Variants in MYO3A observed in about 807,000 individuals in gnomAD.
MYO3A encodes myosin IIIA, also known as myosin-IIIa.
In MYO3A, 180 loss-of-function variants were observed where a neutral mutation model predicts 192.7. That is an observed-to-expected ratio of 0.93 (90% CI 0.83 to 1.06). The LOEUF (loss-of-function observed/expected upper bound fraction) is 1.06. MYO3A is among the 50% of genes least tolerant of loss of function. The pLI is 0.00. For missense variants in MYO3A, 1,896 were observed against 1,905.0 expected (o/e 1.00, Z 0.09); for synonymous variants, 628 against 645.3 (o/e 0.97, Z 0.41).
Position 25,952,280 on chromosome 10 carries a change from TAA to T in MYO3A, c.168+3_168+4del, listed in dbSNP as rs2130551945. ...GTCAAAATTCTTGATCCAATTCACG[TAA>T]GTCATATTTTTTCCTTCTAATTAGC... is the stretch of plus-strand genomic sequence containing the variant. On this transcript the variant is annotated splice_donor_region_variant and intron_variant, in intron 3 of 34. Transcript: ENST00000642920. The T allele has an allele frequency of 6.2e-7, 1 of 1,611,574 alleles. No homozygotes were observed. The highest frequency in any genetic ancestry group is 8.5e-7 in the Non-Finnish European group (1 of 1,178,508).
At position 26,168,855 on chromosome 10, in the gene MYO3A, CGCTAT is replaced by C; in HGVS notation, c.3256_3260del (p.Ala1086AsnfsTer20). ...AAATACAGGAGAAAAGGAAAGAAAG[CGCTAT>C]AATAATACAGTCAGGTAATCTCTTT... On this transcript the variant is annotated frameshift_variant, in exon 28 of 35. Coordinates refer to ENST00000642920, the MANE Select transcript of MYO3A (RefSeq NM_017433.5). LOFTEE classifies it high-confidence loss of function. The C allele has an allele frequency of 1.9e-6, 3 of 1,610,954 alleles. No homozygotes were observed. The highest frequency in any genetic ancestry group is 2.5e-6 in the Non-Finnish European group (3 of 1,178,892).
chr10:26,036,211 T>C (rs986492627), intron 10 of MYO3A, among the ~76,000 whole-genome samples: 2 of 152,146 alleles, frequency 1.3e-5, no homozygotes, highest in African/African-American at 4.8e-5. Context: ...AGTGCTAGGA[T>C]TACAGGCGTG....
rs554236847 is a variant in MYO3A at position 26,190,334 on chromosome 10, G to C, written c.4439-2871G>C. ...AAGGTGTTATCATTGTTTTCAACCT[G>C]GGAAGCAGAAATAATGCTGCCATTG... On this transcript the variant is annotated intron_variant, in intron 31 of 34. Transcript: ENST00000642920. Among the ~76,000 whole-genome samples, 3 of 152,312 alleles carry C rather than the reference G, an allele frequency of 2.0e-5. No individual in the cohort carries two copies. In the South Asian group the frequency reaches 6.2e-4, roughly 32 times the overall value.
intron 4 of MYO3A, among the ~76,000 whole-genome samples, chr10:25,977,148 G>T (rs2130772064): frequency 6.6e-6 from 1 of 152,220 alleles, no homozygotes; most frequent in South Asian, 2.1e-4. Flanking sequence ...ATATCTGGAG[G>T]TTCTTTAGGA....
At position 26,068,767 on chromosome 10, in the gene MYO3A, G is replaced by T; in HGVS notation, c.1054-1G>T. On this transcript the variant is annotated splice_acceptor_variant, in intron 11 of 34. Transcript: ENST00000642920. LOFTEE classifies it high-confidence loss of function. ...GGAGAAATTATTTTATTTTATTGCA[G>T]AATACAGTCTCAGAGCAACTTGAGA... The T allele has an allele frequency of 1.3e-6, 2 of 1,532,140 alleles. No individual in the cohort carries two copies. The highest frequency in any genetic ancestry group is 2.2e-5 in the South Asian group (2 of 89,398). The allele number at this position is 1,532,140 out of a possible 1,614,324, so 94.9% of individuals were successfully genotyped here. A position where few individuals can be genotyped will look rare whatever the true frequency, so the allele number is the denominator to read the frequency against.
chr10:26,159,031 G>A (rs928324567), intron 26 of MYO3A, among the ~76,000 whole-genome samples: 8 of 148,898 alleles, frequency 5.4e-5, no homozygotes, highest in South Asian at 2.1e-4. Flanking sequence ...TTTTTGAGAC[G>A]GAGTCTTGCA....
intron 26 of MYO3A, among the ~76,000 whole-genome samples, chr10:26,160,126 T>G (rs915199941): frequency 3.3e-5 from 5 of 152,150 alleles, no homozygotes; most frequent in African/African-American, 1.2e-4. Context: ...ATATTATGAG[T>G]GTAATATTAA....
chr10:26,014,175 C>T (rs1398321750), intron 6 of MYO3A, among the ~76,000 whole-genome samples: 1 of 152,036 alleles, frequency 6.6e-6, no homozygotes, highest in Non-Finnish European at 1.5e-5. Context: ...TTAGGTACAG[C>T]ATACGCCACT....
At chr10:26,008,550 C>A (rs867658902) in intron 6 of MYO3A, among the ~76,000 whole-genome samples, 37 of 149,872 alleles carry the variant, frequency 2.5e-4, no homozygotes, top group African/African-American at 6.8e-4. Context: ...AAACAACCCC[C>A]TCAAAAAGTG....
chr10:26,178,526 C>G (rs572030344), intron 31 of MYO3A, among the ~76,000 whole-genome samples: 15 of 149,586 alleles, frequency 1.0e-4, no homozygotes, highest in African/African-American at 3.0e-4. Context: ...GCACTCCAGC[C>G]TGGGTGACAG....
intron 10 of MYO3A, among the ~76,000 whole-genome samples, chr10:26,046,885 A>T (rs746527515): frequency 6.6e-6 from 1 of 152,198 alleles, no homozygotes; most frequent in Non-Finnish European, 1.5e-5. Context: ...ATTATTTTTC[A>T]TTAGTAGTTA....
At chr10:26,057,519 G>A (rs1345250533) in intron 10 of MYO3A, among the ~76,000 whole-genome samples, 1 of 152,196 alleles carries the variant, frequency 6.6e-6, no homozygotes, top group Non-Finnish European at 1.5e-5. Flanking sequence ...TTCCATTGAA[G>A]AAAAGGGAAA....
At chr10:26,079,227 A>G (rs1187218354) in intron 14 of MYO3A, among the ~76,000 whole-genome samples, 1 of 151,970 alleles carries the variant, frequency 6.6e-6, no homozygotes, top group East Asian at 1.9e-4. Flanking sequence ...GGATTGCGAT[A>G]TTTTCCTCTT....
intron 17 of MYO3A, among the ~76,000 whole-genome samples, chr10:26,096,910 C>T (rs1196537889): frequency 1.3e-5 from 2 of 151,058 alleles, no homozygotes; most frequent in Non-Finnish European, 3.0e-5. Context: ...TTTACTTATA[C>T]TTACATTTCC....
At chr10:26,007,188 A>C (rs1841283809) in intron 6 of MYO3A, among the ~76,000 whole-genome samples, 1 of 149,278 alleles carries the variant, frequency 6.7e-6, no homozygotes, top group South Asian at 2.1e-4. Flanking sequence ...ACAGCCCTTC[A>C]TGCTAAAAAC....
At chr10:26,084,855 C>G (rs1564532532) in intron 14 of MYO3A, among the ~76,000 whole-genome samples, 1 of 152,152 alleles carries the variant, frequency 6.6e-6, no homozygotes, top group South Asian at 2.1e-4. Context: ...TGATTTTCTT[C>G]AAATGTTTGG....
Position 25,977,555 on chromosome 10 carries a change from A to T in MYO3A, c.304-18935A>T, listed in dbSNP as rs542411132. Among the ~76,000 whole-genome samples, 10 of 152,302 alleles carry T rather than the reference A, an allele frequency of 6.6e-5. No individual in the cohort carries two copies. In the East Asian group the frequency reaches 1.9e-3, roughly 29 times the overall value. On this transcript the variant is annotated intron_variant, in intron 4 of 34. Coordinates refer to ENST00000642920, the MANE Select transcript of MYO3A (RefSeq NM_017433.5). Reference sequence around the variant, plus strand: ...ACTGAGAAAATATTTGATTTTAAAAATTTTGTCATTTGTGATTTTCTGTCC... The same window carrying T: ...ACTGAGAAAATATTTGATTTTAAAATTTTTGTCATTTGTGATTTTCTGTCC...
At chr10:25,947,102 A>G (rs1020299439) in intron 2 of MYO3A, among the ~76,000 whole-genome samples, 6 of 151,568 alleles carry the variant, frequency 4.0e-5, no homozygotes, top group African/African-American at 1.5e-4. Flanking sequence ...CTCTGTTTAT[A>G]TTCCTTCGTT....
chr10:26,210,587 TG>T (rs1198111838), intron 34 of MYO3A, among the ~76,000 whole-genome samples: 1 of 152,234 alleles, frequency 6.6e-6, no homozygotes, highest in East Asian at 1.9e-4. Context: ...ACTTTCATCC[TG>T]GCAGACAGAT....
Sources: allele counts gnomAD v4.1 joint callset (sites outside exome capture counted in the v4.1 genomes callset), GRCh38; gene constraint gnomAD v4.1.1; transcripts MANE v1.5; gene names NCBI Gene and HGNC (gene_info 2026-07-23, HGNC 2026-07-21).